MARCHF7: variants seen among roughly 807,000 people sequenced by gnomAD.
MARCHF7 encodes the protein membrane associated ring-CH-type finger 7.
In MARCHF7, 20 loss-of-function variants were observed where a neutral mutation model predicts 76.5. The observed-to-expected ratio is 0.26, with a 90% confidence interval of 0.18 to 0.38. The LOEUF (loss-of-function observed/expected upper bound fraction) is 0.38. MARCHF7 is among the 10% of genes least tolerant of loss of function. The pLI, the probability that MARCHF7 is intolerant of heterozygous loss-of-function variation, is 1.00. For missense variants in MARCHF7, 797 were observed against 812.9 expected (o/e 0.98, Z 0.24); for synonymous variants, 295 against 293.0 (o/e 1.01, Z -0.07).
At chr2:159,764,459 A>G (rs1232553011) in intron 10 of MARCHF7, among the ~76,000 whole-genome samples, 167 bp from the exon 11 acceptor site, 2 of 152,170 alleles carry the variant, frequency 1.3e-5, no homozygotes, top group Non-Finnish European at 2.9e-5. Flanking sequence ...TTAAAAATTA[A>G]TGCCATTAAG....
intron 3 of MARCHF7, among the ~76,000 whole-genome samples, chr2:159,727,494 G>A (rs190618823): frequency 2.0e-5 from 3 of 152,108 alleles, no homozygotes; most frequent in Non-Finnish European, 4.4e-5. Flanking sequence ...AGGCTGAGGC[G>A]GGACAATGGC....
chr2:159,741,875 T>C (rs1296535800), intron 4 of MARCHF7, among the ~76,000 whole-genome samples: 1 of 152,216 alleles, frequency 6.6e-6, no homozygotes, highest in Non-Finnish European at 1.5e-5. Flanking sequence ...AGAGATTATA[T>C]GCCAAATCTG....
intron 9 of MARCHF7, among the ~76,000 whole-genome samples, chr2:159,761,179 C>T (rs1707013455): frequency 6.6e-6 from 1 of 151,726 alleles, no homozygotes; most frequent in Non-Finnish European, 1.5e-5. Flanking sequence ...CCCGCCTCCA[C>T]ACCAGGCTAA....
intron 3 of MARCHF7, among the ~76,000 whole-genome samples, chr2:159,725,210 G>A (rs956187881): frequency 6.6e-6 from 1 of 152,178 alleles, no homozygotes; most frequent in Admixed American, 6.5e-5. Context: ...TAATGGGATG[G>A]CTGGGTCAAA....
chr2:159,764,613 G>A lies in MARCHF7; in HGVS notation c.2008-13G>A, dbSNP rs1395697556. ...CATTTAAACTACTGTATTTCTTTCT[G>A]CATTGTTTCTAGTTTATTAACCTTG... is the stretch of plus-strand genomic sequence containing the variant. On this transcript the variant is annotated splice_polypyrimidine_tract_variant and intron_variant, in intron 10 of 11. Transcript: ENST00000409175. 1.3e-6 allele frequency: 2 copies of A among 1,583,014 alleles called. No homozygotes were observed. Among genetic ancestry groups the A allele is most frequent in the African/African-American group, 1.4e-5 (1 of 73,230 alleles).
intron 1 of MARCHF7, among the ~76,000 whole-genome samples, chr2:159,712,994 C>A (rs572130571): frequency 6.6e-6 from 1 of 152,236 alleles, no homozygotes; most frequent in South Asian, 2.1e-4. Flanking sequence ...GGCGGGGGGT[C>A]TTCGGAGCCC....
intron 3 of MARCHF7, among the ~76,000 whole-genome samples, chr2:159,727,963 C>T (rs1487288037): frequency 1.3e-5 from 2 of 152,116 alleles, no homozygotes; most frequent in African/African-American, 2.4e-5. Context: ...CACAAAATAA[C>T]ATTTTGTTTT....
chr2:159,725,223 G>C (rs1315666599), intron 3 of MARCHF7, among the ~76,000 whole-genome samples: 1 of 152,132 alleles, frequency 6.6e-6, no homozygotes, highest in East Asian at 1.9e-4. Flanking sequence ...GGGTCAAATG[G>C]TATTTCTAGT....
intron 3 of MARCHF7, among the ~76,000 whole-genome samples, chr2:159,722,998 G>A (rs999618881): frequency 6.6e-6 from 1 of 152,178 alleles, no homozygotes; most frequent in African/African-American, 2.4e-5. Flanking sequence ...CATTATTGTT[G>A]TTATAGAACT....
intron 3 of MARCHF7, among the ~76,000 whole-genome samples, chr2:159,727,498 C>A (rs1003178278): frequency 6.6e-6 from 1 of 152,006 alleles, no homozygotes; most frequent in African/African-American, 2.4e-5. Context: ...TGAGGCGGGA[C>A]AATGGCGTGA....
At chr2:159,762,740 A>T in intron 9 of MARCHF7, 140 bp from the exon 10 acceptor site, 1 of 401,154 alleles carries the variant, frequency 2.5e-6, no homozygotes, top group Admixed American at 4.3e-5. Flanking sequence ...TTCTCAATAA[A>T]TGGCATTGTG....
chr2:159,746,164 C>G (rs905960819), intron 6 of MARCHF7, among the ~76,000 whole-genome samples: 4 of 151,974 alleles, frequency 2.6e-5, no homozygotes, highest in Non-Finnish European at 5.9e-5. Context: ...CGTTGTTTAA[C>G]TTGCATTTTT....
In MARCHF7 at chr2:159,748,675, C is replaced by G. The variant is rs1180643556; in HGVS notation, c.1385C>G (p.Ser462Cys). Reference sequence around the variant, plus strand: ...TCAAGCAGTGCCACAACAGGTGGCTCTACATCAGATTCGGCTCAAGGTGGA... The same window carrying G: ...TCAAGCAGTGCCACAACAGGTGGCTGTACATCAGATTCGGCTCAAGGTGGA... ...AASSSATTGG[S>C]TSDSAQGGRN... Residue 462 changes from serine to cysteine, a missense_variant, in exon 7 of 12, where the codon TCT (serine) becomes TGT (cysteine). By Grantham distance (112) the Ser-to-Cys change is moderately radical. Transcript: ENST00000409175. The G allele has an allele frequency of 2.2e-5, 36 of 1,614,044 alleles. No homozygotes were observed. The highest frequency in any genetic ancestry group is 9.9e-5 in the South Asian group (9 of 91,082).
intron 3 of MARCHF7, among the ~76,000 whole-genome samples, chr2:159,716,138 CTT>C (rs56789234): frequency 2.6e-5 from 4 of 151,072 alleles, no homozygotes; most frequent in South Asian, 2.1e-4. Context: ...TTAAGGGAGA[CTT>C]TTTTTTAAGG....
At chr2:159,743,974 CTTTTTTTTTTTTTTTTTTTT>C (rs1170864400) in intron 5 of MARCHF7, among the ~76,000 whole-genome samples, 1 of 60,600 alleles carries the variant, frequency 1.7e-5, no homozygotes, top group Admixed American at 2.2e-4. Flanking sequence ...AGTAGGAGTT[CTTTTTTTTTTTTTTTTTTTT>C]TTTTTTTTTT....
intron 4 of MARCHF7, among the ~76,000 whole-genome samples, chr2:159,738,067 G>C (rs72961751): frequency 6.6e-6 from 1 of 152,024 alleles, no homozygotes; most frequent in Non-Finnish European, 1.5e-5. Context: ...GGATCGGCAG[G>C]GGGTGCATGG....
rs1264526512 is a variant in MARCHF7 at position 159,748,155 on chromosome 2, A to T, written c.865A>T (p.Ser289Cys). 2.5e-6 allele frequency: 4 copies of T among 1,613,378 alleles called. No individual in the cohort carries two copies. The highest frequency in any genetic ancestry group is 1.1e-5 in the South Asian group (1 of 90,880). The change falls in exon 7 of 12, where the codon AGC (serine) becomes TGC (cysteine). Residue 289 changes from serine to cysteine, a missense_variant. By Grantham distance (112) the Ser-to-Cys change is moderately radical. Transcript: ENST00000409175. ...TRRLLSRIASSMSSTFFSRRS... is the reference protein window; with the variant it reads ...TRRLLSRIASCMSSTFFSRRS... ...GAGATTGCTGTCACGCATAGCTTCT[A>T]GCATGTCATCTACTTTTTTTTCACG...
Position 159,743,084 on chromosome 2 carries a change from G to A in MARCHF7, c.177G>A (p.Ala59=), listed in dbSNP as rs142434636. 0.011 allele frequency: 18,306 copies of A among 1,613,536 alleles called. 119 individuals carry two copies. Among genetic ancestry groups the A allele is most frequent in the Non-Finnish European group, 0.013 (15,887 of 1,179,790 alleles). ...AGTCTACATCAGCATCAGCATCTGCGTCACCATTTCAATCTGCATGGTATA... is the reference window on the plus strand; with the variant it reads ...AGTCTACATCAGCATCAGCATCTGCATCACCATTTCAATCTGCATGGTATA... ...EYQSTSASAS[A]SPFQSAWYSE... Residue 59 remains alanine (A), a synonymous_variant, in exon 5 of 12, where the codon GCG becomes GCA. Transcript: ENST00000409175.
At chr2:159,741,767 T>A (rs754221738) in intron 4 of MARCHF7, among the ~76,000 whole-genome samples, 37 of 152,240 alleles carry the variant, frequency 2.4e-4, no homozygotes, top group Admixed American at 2.4e-3. Flanking sequence ...ATTTACCACA[T>A]ACTTAACTCA....
Sources: allele counts gnomAD v4.1 joint callset (sites outside exome capture counted in the v4.1 genomes callset), GRCh38; gene constraint gnomAD v4.1.1; transcripts MANE v1.5; gene names NCBI Gene and HGNC (gene_info 2026-07-23, HGNC 2026-07-21).